Variants in SPHKAP observed in about 807,000 individuals in gnomAD.
SPHKAP encodes A-kinase anchor protein SPHKAP.
Under a neutral mutation model 137.5 loss-of-function variants are expected in SPHKAP, and 67 were observed. The observed-to-expected ratio is 0.49, with a 90% CI of 0.40 to 0.60. The LOEUF (loss-of-function observed/expected upper bound fraction) is 0.60. SPHKAP is among the 20% of genes least tolerant of loss of function. SPHKAP has a pLI of 0.00. For missense variants in SPHKAP, 2,097 were observed against 2,069.3 expected (o/e 1.01, Z -0.26); for synonymous variants, 813 against 785.3 (o/e 1.04, Z -0.59).
At chr2:228,001,627 T>C (rs937944254) in intron 7 of SPHKAP, among the ~76,000 whole-genome samples, 1 of 150,838 alleles carries the variant, frequency 6.6e-6, no homozygotes, top group Non-Finnish European at 1.5e-5. Flanking sequence ...TGTGCAGGTT[T>C]GTTACATATG....
chr2:228,148,682 G>C (rs951112329), intron 1 of SPHKAP, among the ~76,000 whole-genome samples: 1 of 152,114 alleles, frequency 6.6e-6, no homozygotes, highest in African/African-American at 2.4e-5. Context: ...CTCCTGGTGG[G>C]CAAGGCAGCA....
rs2106427699 is a variant in SPHKAP at position 228,170,835 on chromosome 2, C to T, written c.32+10732G>A. ...ATATCGCTGGGGTATATCTCCTTTC[C>T]ATCTTGTTTCTCTAGGAATTTGTGA... On this transcript the variant is annotated intron_variant, in intron 1 of 11. Coordinates refer to ENST00000392056, the MANE Select transcript of SPHKAP (RefSeq NM_001142644.2). Among the ~76,000 whole-genome samples the T allele has an allele frequency of 1.3e-5, 2 of 152,146 alleles. 1 individual carries two copies. Among genetic ancestry groups the T allele is most frequent in the Middle Eastern group, 6.8e-3 (2 of 294 alleles).
At chr2:228,058,624 T>G (rs6735869) in intron 3 of SPHKAP, among the ~76,000 whole-genome samples, 1 of 152,168 alleles carries the variant, frequency 6.6e-6, no homozygotes, top group Non-Finnish European at 1.5e-5. Flanking sequence ...CGTTAACCAA[T>G]GTGCTAACTT....
At chr2:228,141,199 G>A (rs969039801) in intron 1 of SPHKAP, among the ~76,000 whole-genome samples, 3 of 152,072 alleles carry the variant, frequency 2.0e-5, no homozygotes, top group Non-Finnish European at 1.5e-5. Context: ...AGAATCTAAG[G>A]GCAAATTCCA....
At chr2:228,021,080 G>T (rs1694825919) in intron 6 of SPHKAP, among the ~76,000 whole-genome samples, 1 of 152,130 alleles carries the variant, frequency 6.6e-6, no homozygotes, top group African/African-American at 2.4e-5. Context: ...AACAACATCT[G>T]GGGTACCCCT....
chr2:228,172,044 T>A (rs1047311233), intron 1 of SPHKAP, among the ~76,000 whole-genome samples: 1 of 151,252 alleles, frequency 6.6e-6, no homozygotes, highest in Non-Finnish European at 1.5e-5. Context: ...TGTGAAAAAA[T>A]CTTATAAAGT....
intron 3 of SPHKAP, among the ~76,000 whole-genome samples, chr2:228,100,186 A>T (rs752663693): frequency 5.3e-5 from 8 of 152,186 alleles, no homozygotes; most frequent in Admixed American, 1.3e-4. Context: ...TTGATTTTGT[A>T]TCCCGAAACT....
intron 3 of SPHKAP, among the ~76,000 whole-genome samples, chr2:228,089,121 A>C (rs1697635116): frequency 6.6e-6 from 1 of 152,238 alleles, no homozygotes; most frequent in Non-Finnish European, 1.5e-5. Context: ...ACAATTGTTG[A>C]GTGGTTGTGA....
At chr2:228,075,163 C>T (rs1488752325) in intron 3 of SPHKAP, among the ~76,000 whole-genome samples, 1 of 152,150 alleles carries the variant, frequency 6.6e-6, no homozygotes, top group Non-Finnish European at 1.5e-5. Context: ...AGAATATCAT[C>T]CCCAAAATGG....
intron 1 of SPHKAP, among the ~76,000 whole-genome samples, chr2:228,139,395 AAAC>A: frequency 1.3e-5 from 2 of 152,200 alleles, no homozygotes; most frequent in Non-Finnish European, 2.9e-5. Flanking sequence ...ATCAAATAGT[AAAC>A]TTCCTAATGT....
At chr2:228,105,422 T>C (rs1698308686) in intron 3 of SPHKAP, among the ~76,000 whole-genome samples, 1 of 152,230 alleles carries the variant, frequency 6.6e-6, no homozygotes, top group Non-Finnish European at 1.5e-5. Context: ...TCCTTTCTTT[T>C]AAATAATGAG....
At chr2:228,165,940 G>T (rs1194200249) in intron 1 of SPHKAP, among the ~76,000 whole-genome samples, 1 of 152,136 alleles carries the variant, frequency 6.6e-6, no homozygotes, top group African/African-American at 2.4e-5. Flanking sequence ...AACTGGAATG[G>T]CAAACTTTGA....
chr2:228,071,054 G>C (rs1696989368), intron 3 of SPHKAP, among the ~76,000 whole-genome samples: 1 of 152,084 alleles, frequency 6.6e-6, no homozygotes, highest in South Asian at 2.1e-4. Context: ...CCAGAAGAAG[G>C]GACCTCATTG....
chr2:228,096,304 CT>C (rs1484292877), intron 3 of SPHKAP, among the ~76,000 whole-genome samples: 1 of 152,070 alleles, frequency 6.6e-6, no homozygotes, highest in African/African-American at 2.4e-5. Context: ...TAATTTTTAT[CT>C]TTTGGATCAC....
intron 3 of SPHKAP, among the ~76,000 whole-genome samples, chr2:228,049,092 A>T (rs1345623124): frequency 1.3e-5 from 2 of 152,132 alleles, no homozygotes; most frequent in East Asian, 1.9e-4. Flanking sequence ...AGGAGGCTCC[A>T]TATCCTTGCC....
intron 1 of SPHKAP, among the ~76,000 whole-genome samples, chr2:228,164,276 C>G (rs1349313900): frequency 2.0e-5 from 3 of 152,146 alleles, no homozygotes; most frequent in African/African-American, 7.2e-5. Context: ...GTTGGCTTCC[C>G]TGGTCTGGAG....
intron 3 of SPHKAP, among the ~76,000 whole-genome samples, chr2:228,033,756 G>C (rs959304538): frequency 2.6e-5 from 4 of 152,162 alleles, no homozygotes; most frequent in Admixed American, 6.5e-5. Context: ...CATGGAAACT[G>C]AACAACCTGC....
At chr2:228,026,837 T>A (rs1348558721) in intron 4 of SPHKAP, among the ~76,000 whole-genome samples, 1 of 152,236 alleles carries the variant, frequency 6.6e-6, no homozygotes, top group Non-Finnish European at 1.5e-5. Context: ...GCAGGTCTAC[T>A]GTTCTGTGAA....
At chr2:228,091,808 A>G (rs1485624580) in intron 3 of SPHKAP, among the ~76,000 whole-genome samples, 1 of 152,160 alleles carries the variant, frequency 6.6e-6, no homozygotes. Context: ...GAACACTACT[A>G]CACTGCTAGT....
Sources: gnomAD v4.1 joint callset for allele counts (sites outside exome capture counted in the v4.1 genomes callset) on GRCh38, gnomAD v4.1.1 for gene constraint, MANE v1.5 for transcripts, NCBI Gene and HGNC (gene_info 2026-07-23, HGNC 2026-07-21) for gene names.